GARRE1: variants seen among roughly 807,000 people sequenced by gnomAD.
GARRE1 encodes the protein granule associated Rac and RHOG effector 1, also known as granule associated Rac and RHOG effector protein 1.
In GARRE1, 49 loss-of-function variants were observed where a neutral mutation model predicts 103.2. That is an observed-to-expected ratio of 0.47 (90% CI 0.38 to 0.60). The LOEUF is 0.60. Ranked by LOEUF, GARRE1 falls within the 20% of genes least tolerant of loss-of-function variation. GARRE1 has a pLI of 0.00. For missense variants in GARRE1, 1,199 were observed against 1,370.5 expected, an observed-to-expected ratio of 0.87 and a Z score of 1.98; for synonymous variants, 505 against 532.8, an observed-to-expected ratio of 0.95 and a Z score of 0.72.
intron 1 of GARRE1, among the ~76,000 whole-genome samples, chr19:34,270,806 C>G (rs779594206): frequency 6.6e-6 from 1 of 152,114 alleles, no homozygotes; most frequent in Non-Finnish European, 1.5e-5. Flanking sequence ...GGAAGGTGCT[C>G]AAAGCATTAG....
chr19:34,305,264 G>C (rs2074002462), intron 2 of GARRE1, among the ~76,000 whole-genome samples: 3 of 151,830 alleles, frequency 2.0e-5, no homozygotes, highest in African/African-American at 4.9e-5. Context: ...GTCTGTACAT[G>C]CATGGATATG....
At chr19:34,306,953 G>A (rs1028630601) in intron 2 of GARRE1, among the ~76,000 whole-genome samples, 1 of 152,188 alleles carries the variant, frequency 6.6e-6, no homozygotes. Flanking sequence ...CTGAGAAGGT[G>A]ACATTCGAGT....
At chr19:34,275,180 TTC>T (rs916924855) in intron 1 of GARRE1, among the ~76,000 whole-genome samples, 4 of 151,926 alleles carry the variant, frequency 2.6e-5, no homozygotes, top group African/African-American at 9.7e-5. Context: ...TTTTTTTTTT[TTC>T]CTCAGAAGAG....
At chr19:34,346,775 T>C (rs900648916) in intron 10 of GARRE1, among the ~76,000 whole-genome samples, 4 of 151,730 alleles carry the variant, frequency 2.6e-5, no homozygotes, top group Admixed American at 1.3e-4. Context: ...TGCCACTACG[T>C]CCAGCTAATT....
intron 7 of GARRE1, among the ~76,000 whole-genome samples, 177 bp downstream of exon 7, chr19:34,330,524 T>C (rs1439912191): frequency 3.3e-5 from 5 of 152,180 alleles, no homozygotes; most frequent in Non-Finnish European, 7.3e-5. Flanking sequence ...AAAAATCTCT[T>C]TAAAAAGAAA....
rs140506892 is a variant in GARRE1 at position 34,270,482 on chromosome 19, G to C, written c.-796+15868G>C. Among the ~76,000 whole-genome samples the C allele has an allele frequency of 2.0e-5, 3 of 152,290 alleles. No individual in the cohort carries two copies. In the East Asian group the frequency reaches 5.8e-4, roughly 29 times the overall value. ...GAGGGAAGGTTAAGTTGAAGGGACA[G>C]GCCCTGTTGCAGGTAAGGATAGGGA... On this transcript the variant is annotated intron_variant, in intron 1 of 13. Coordinates refer to ENST00000299505, the MANE Select transcript of GARRE1 (RefSeq NM_014686.5).
chr19:34,334,105 T>A (rs1165537015), intron 8 of GARRE1, among the ~76,000 whole-genome samples: 1 of 152,190 alleles, frequency 6.6e-6, no homozygotes, highest in African/African-American at 2.4e-5. Context: ...TTAAACATAG[T>A]ATATCATTTT....
intron 1 of GARRE1, among the ~76,000 whole-genome samples, chr19:34,279,768 G>A (rs1441763423): frequency 1.3e-5 from 2 of 151,854 alleles, no homozygotes; most frequent in South Asian, 2.1e-4. Flanking sequence ...GGCGGATCAC[G>A]AGGTCAGGAG....
intron 3 of GARRE1, among the ~76,000 whole-genome samples, chr19:34,321,377 T>A (rs1181115358): frequency 2.0e-5 from 3 of 151,682 alleles, no homozygotes; most frequent in African/African-American, 7.3e-5. Context: ...TCTTAATTGG[T>A]CTAACTCTGC....
rs542923303 is a variant in GARRE1, at chr19:34,344,090, G to T, written c.2521+1635G>T. Among the ~76,000 whole-genome samples, 4 of 152,058 alleles carry T rather than the reference G, an allele frequency of 2.6e-5. No individual in the cohort carries two copies. The East Asian group carries it at 7.7e-4, about 29-fold the overall frequency. Reference sequence around the variant, plus strand: ...GATAAATTAAGCAGCACATCTTTTTGCTGATAATAGAATTGAACCCCCCCC... The same window carrying T: ...GATAAATTAAGCAGCACATCTTTTTTCTGATAATAGAATTGAACCCCCCCC... On this transcript the variant is annotated intron_variant, in intron 10 of 13. Coordinates refer to ENST00000299505, the MANE Select transcript of GARRE1 (RefSeq NM_014686.5).
chr19:34,331,708 T>C (rs1382436980), intron 7 of GARRE1, among the ~76,000 whole-genome samples: 2 of 152,158 alleles, frequency 1.3e-5, no homozygotes, highest in African/African-American at 2.4e-5. Flanking sequence ...CAAAAACATA[T>C]GGTGGCAGGG....
chr19:34,320,876 C>T (rs2074084306), intron 3 of GARRE1, among the ~76,000 whole-genome samples: 1 of 149,764 alleles, frequency 6.7e-6, no homozygotes, highest in Admixed American at 6.7e-5. Flanking sequence ...GCTCATGCCA[C>T]CATGTCTAGC....
intron 2 of GARRE1, among the ~76,000 whole-genome samples, chr19:34,315,471 G>A (rs1043222037): frequency 6.6e-5 from 10 of 152,168 alleles, no homozygotes; most frequent in Non-Finnish European, 1.3e-4. Flanking sequence ...CAGCACTTTG[G>A]GAGGCCAAGG....
chr19:34,337,342 G>A (rs557082075), intron 8 of GARRE1, among the ~76,000 whole-genome samples: 1 of 152,268 alleles, frequency 6.6e-6, no homozygotes, highest in South Asian at 2.1e-4. Flanking sequence ...ACAGGCAGGC[G>A]TATGATGGAA....
chr19:34,274,058 G>T (rs2073802982), intron 1 of GARRE1, among the ~76,000 whole-genome samples: 1 of 152,070 alleles, frequency 6.6e-6, no homozygotes, highest in African/African-American at 2.4e-5. Flanking sequence ...GGTAAAAACA[G>T]TAGCTTTGGT....
chr19:34,316,575 T>C (rs1016923522), intron 2 of GARRE1, among the ~76,000 whole-genome samples: 1 of 152,152 alleles, frequency 6.6e-6, no homozygotes, highest in African/African-American at 2.4e-5. Flanking sequence ...GAGGTTGAGC[T>C]CTGTACTCTC....
chr19:34,256,013 A>G (rs570296310), intron 1 of GARRE1, among the ~76,000 whole-genome samples: 4 of 151,642 alleles, frequency 2.6e-5, no homozygotes, highest in South Asian at 2.1e-4. Flanking sequence ...TAATTTTTGT[A>G]TTTTTAGTAG....
intron 1 of GARRE1, among the ~76,000 whole-genome samples, chr19:34,255,950 T>TCC (rs1237279832): frequency 6.6e-6 from 1 of 151,846 alleles, no homozygotes; most frequent in Non-Finnish European, 1.5e-5. Flanking sequence ...CGAGCGATTC[T>TCC]CCTGCTTTAG....
At chr19:34,291,861 C>CTT (rs35386109) in intron 1 of GARRE1, among the ~76,000 whole-genome samples, 51 of 142,130 alleles carry the variant, frequency 3.6e-4, no homozygotes, top group South Asian at 9.0e-4. Context: ...CATAAATCTA[C>CTT]TTTTTTTTTT....
Sources: gnomAD v4.1 joint callset for allele counts (sites outside exome capture counted in the v4.1 genomes callset) on GRCh38, gnomAD v4.1.1 for gene constraint, MANE v1.5 for transcripts, NCBI Gene and HGNC (gene_info 2026-07-23, HGNC 2026-07-21) for gene names.